The following RABGAP1L variants were observed in gnomAD, a reference collection of about 807,000 sequenced individuals.
The protein encoded by RABGAP1L is RAB GTPase activating protein 1 like.
A neutral mutation model predicts 137.7 loss-of-function variants in RABGAP1L; 63 were observed. That is an observed-to-expected ratio of 0.46 (90% confidence interval 0.37 to 0.56). The LOEUF (loss-of-function observed/expected upper bound fraction) is 0.56, where lower values mean the gene tolerates loss of function less well. Among genes scored for constraint, RABGAP1L ranks in the 20% least tolerant of loss-of-function variants. The pLI, the probability that RABGAP1L is intolerant of heterozygous loss-of-function variation, is 0.00. For missense variants in RABGAP1L, 1,095 were observed against 1,244.0 expected (o/e 0.88, Z 1.80); for synonymous variants, 431 against 433.7 (o/e 0.99, Z 0.08).
chr1:174,231,347 T>A lies in RABGAP1L; in HGVS notation c.534T>A (p.Gly178=). The A allele has an allele frequency of 6.2e-7, 1 of 1,613,466 alleles. No homozygotes were observed. The highest frequency in any genetic ancestry group is 2.2e-5 in the East Asian group (1 of 44,864). The change falls in exon 4 of 26, where the codon GGT becomes GGA. Residue 178 remains glycine (G), a synonymous_variant. Transcript: ENST00000681986. ...VTLYVPNVPE[G]SVRIIDQSSN... is the part of the protein sequence containing the mutation. Reference sequence around the variant, plus strand: ...TGTATGTACCAAATGTTCCAGAAGGTTCTGTGAGGTAAGCTCTAATTTGTT... The same window carrying A: ...TGTATGTACCAAATGTTCCAGAAGGATCTGTGAGGTAAGCTCTAATTTGTT...
chr1:174,611,375 G>A (rs182124616), intron 13 of RABGAP1L, among the ~76,000 whole-genome samples: 71 of 152,206 alleles, frequency 4.7e-4, no homozygotes, highest in Non-Finnish European at 8.8e-4. Flanking sequence ...TAGATATGTG[G>A]TGTTACTTCT....
At chr1:174,618,409 C>T (rs1672111734) in intron 13 of RABGAP1L, among the ~76,000 whole-genome samples, 1 of 152,236 alleles carries the variant, frequency 6.6e-6, no homozygotes, top group African/African-American at 2.4e-5. Flanking sequence ...GGCAGACTGA[C>T]ATCTCACACG....
chr1:174,328,919 G>T (rs1012047216), intron 11 of RABGAP1L, among the ~76,000 whole-genome samples: 5 of 151,602 alleles, frequency 3.3e-5, no homozygotes, highest in Admixed American at 1.3e-4. Context: ...CAACCTAACT[G>T]TCTACCTCAA....
intron 11 of RABGAP1L, among the ~76,000 whole-genome samples, chr1:174,331,812 T>C (rs1445418702): frequency 6.6e-6 from 1 of 151,362 alleles, no homozygotes; most frequent in Non-Finnish European, 1.5e-5. Flanking sequence ...TATCTCCTAA[T>C]GCTATCCCTC....
chr1:174,482,014 T>C (rs903363535), intron 13 of RABGAP1L, among the ~76,000 whole-genome samples: 3 of 152,198 alleles, frequency 2.0e-5, no homozygotes, highest in African/African-American at 7.2e-5. Flanking sequence ...ATCTGGATTA[T>C]GCTAGTGGGC....
chr1:174,359,228 T>G (rs1187239442), intron 11 of RABGAP1L, among the ~76,000 whole-genome samples: 2 of 152,148 alleles, frequency 1.3e-5, no homozygotes, highest in Non-Finnish European at 2.9e-5. Flanking sequence ...TTTACTGTAC[T>G]TTGGTCTCCA....
chr1:174,219,781 T>G (rs1669612969), intron 2 of RABGAP1L, among the ~76,000 whole-genome samples: 1 of 152,152 alleles, frequency 6.6e-6, no homozygotes, highest in African/African-American at 2.4e-5. Flanking sequence ...TATTTAGATA[T>G]GGTCCCTTTT....
chr1:174,962,038 G>A (rs1024814337), intron 20 of RABGAP1L, among the ~76,000 whole-genome samples: 1 of 151,820 alleles, frequency 6.6e-6, no homozygotes, highest in Non-Finnish European at 1.5e-5. Context: ...AGCCAGGCGT[G>A]GTGGTGGGCA....
intron 23 of RABGAP1L, 126 bp downstream of exon 23, chr1:174,979,016 A>C: frequency 7.9e-7 from 1 of 1,271,510 alleles, no homozygotes; most frequent in Non-Finnish European, 1.0e-6. Flanking sequence ...CCATATCTAC[A>C]AGGAAAAAAA....
chr1:174,507,583 C>G (rs1195441489), intron 13 of RABGAP1L, among the ~76,000 whole-genome samples: 1 of 152,028 alleles, frequency 6.6e-6, no homozygotes, highest in Admixed American at 6.6e-5. Context: ...ATAGCAACTT[C>G]TTTTTACCAT....
chr1:174,894,819 C>T (rs984013746), intron 19 of RABGAP1L, among the ~76,000 whole-genome samples: 1 of 152,084 alleles, frequency 6.6e-6, no homozygotes, highest in African/African-American at 2.4e-5. Flanking sequence ...TGCAGTGACA[C>T]GATCTTGACT....
At chr1:174,202,324 C>G (rs1187912290) in intron 1 of RABGAP1L, among the ~76,000 whole-genome samples, 1 of 152,084 alleles carries the variant, frequency 6.6e-6, no homozygotes, top group Non-Finnish European at 1.5e-5. Flanking sequence ...TGTTTCCTGA[C>G]TTTTTAATGA....
At chr1:174,902,473 C>T (rs1658308268) in intron 19 of RABGAP1L, among the ~76,000 whole-genome samples, 2 of 152,180 alleles carry the variant, frequency 1.3e-5, no homozygotes, top group South Asian at 2.1e-4. Context: ...GATTCAGCTC[C>T]CTTCCTAGGG....
chr1:174,779,853 G>A (rs1434115089), intron 18 of RABGAP1L, among the ~76,000 whole-genome samples: 3 of 151,886 alleles, frequency 2.0e-5, no homozygotes, highest in Non-Finnish European at 2.9e-5. Flanking sequence ...ATCACCTGAG[G>A]TCAGGAGTTT....
At chr1:174,340,417 G>A (rs111357571) in intron 11 of RABGAP1L, among the ~76,000 whole-genome samples, 5,547 of 152,068 alleles carry the variant, frequency 0.036, 320 homozygotes, top group African/African-American at 0.12. Context: ...TATTCTTCCT[G>A]ATACTCCCCC....
chr1:174,220,417 C>T (rs1401708088), intron 2 of RABGAP1L, among the ~76,000 whole-genome samples: 2 of 152,088 alleles, frequency 1.3e-5, no homozygotes, highest in Non-Finnish European at 2.9e-5. Flanking sequence ...CCTGTACTCC[C>T]AGCACTTTGG....
chr1:174,842,935 G>A (rs1693574684), intron 19 of RABGAP1L, among the ~76,000 whole-genome samples: 1 of 151,820 alleles, frequency 6.6e-6, no homozygotes, highest in Admixed American at 6.6e-5. Flanking sequence ...AGTTTCTACT[G>A]CTGCCTGCCT....
rs193114388 is a variant in RABGAP1L at position 174,869,728 on chromosome 1, C to T, written c.2340+57768C>T. On this transcript the variant is annotated intron_variant, in intron 19 of 25. Transcript: ENST00000681986. ...ACCCAAATGTGACGATATTAAGAGACGGGATCTTTGACTGGTGATTAGATC... is the reference window on the plus strand; with the variant it reads ...ACCCAAATGTGACGATATTAAGAGATGGGATCTTTGACTGGTGATTAGATC... Among the ~76,000 whole-genome samples, 23 of 152,232 alleles carry T rather than the reference C, an allele frequency of 1.5e-4. No individual in the cohort carries two copies. In the South Asian group the frequency reaches 2.7e-3, roughly 18 times the overall value.
At position 174,501,905 on chromosome 1, in the gene RABGAP1L, G is replaced by GT. The variant is rs370431834; in HGVS notation, c.1710+107771dup. On this transcript the variant is annotated intron_variant, in intron 13 of 25. Coordinates refer to ENST00000681986, the MANE Select transcript of RABGAP1L (RefSeq NM_001366446.1). The stretch of plus-strand genomic sequence containing the variant: ...TCCTTCTGGGATTCTTAGGATACCT[G>GT]TTTTTTTTTTTGACTTTCAGTTTTA... 9.5e-4 allele frequency among the ~76,000 whole-genome samples: 137 copies of GT among 143,876 alleles called. 1 individual carries two copies. Among genetic ancestry groups the GT allele is most frequent in the East Asian group, 5.5e-3 (27 of 4,934 alleles). 94.4% of individuals were successfully genotyped at this position (143,876 alleles called of 152,430 possible).
Sources: allele counts gnomAD v4.1 joint callset (sites outside exome capture counted in the v4.1 genomes callset), GRCh38; gene constraint gnomAD v4.1.1; transcripts MANE v1.5; gene names NCBI Gene and HGNC (gene_info 2026-07-23, HGNC 2026-07-21).